The following ARMC9 variants were observed in gnomAD, a reference collection of about 807,000 sequenced individuals.
ARMC9 encodes armadillo repeat containing 9.
In ARMC9, 94 loss-of-function variants were observed where a neutral mutation model predicts 107.0. The ratio of observed to expected loss-of-function variants is 0.88; its 90% CI spans 0.74 to 1.04. The LOEUF (loss-of-function observed/expected upper bound fraction) is 1.04. Ranked by LOEUF, ARMC9 falls within the 50% of genes least tolerant of loss-of-function variation. The pLI is 0.00. For synonymous variants in ARMC9, 380 were observed against 396.9 expected (o/e 0.96, Z 0.51); for missense variants, 942 against 1,030.1 (o/e 0.91, Z 1.17).
At chr2:231,280,848 T>G (rs1451126090) in intron 16 of ARMC9, among the ~76,000 whole-genome samples, 12 of 152,224 alleles carry the variant, frequency 7.9e-5, no homozygotes, top group Admixed American at 7.9e-4. Context: ...AGAATCGTGC[T>G]GCCCCAGAAA....
chr2:231,264,993 G>A (rs748658768), intron 12 of ARMC9, among the ~76,000 whole-genome samples: 53 of 152,228 alleles, frequency 3.5e-4, no homozygotes, highest in Non-Finnish European at 6.3e-4. Flanking sequence ...AGCTACCCAG[G>A]AGGCTGAGGC....
chr2:231,329,702 T>G (rs1037966196), intron 19 of ARMC9, among the ~76,000 whole-genome samples: 1 of 152,234 alleles, frequency 6.6e-6, no homozygotes, highest in Non-Finnish European at 1.5e-5. Flanking sequence ...TGAGCACTTG[T>G]AAATGGCATT....
chr2:231,238,293 G>T (rs2035960119), intron 8 of ARMC9, among the ~76,000 whole-genome samples: 1 of 152,134 alleles, frequency 6.6e-6, no homozygotes, highest in South Asian at 2.1e-4. Flanking sequence ...GTTTCTAGTT[G>T]TAGGGAAGGA....
chr2:231,314,051 C>CCCGG (rs2042516512), intron 19 of ARMC9, among the ~76,000 whole-genome samples: 1 of 150,872 alleles, frequency 6.6e-6, no homozygotes, highest in African/African-American at 2.4e-5. Context: ...TGAGCCACCA[C>CCCGG]ACCAGCCATC....
At chr2:231,287,296 A>T (rs2040663873) in intron 17 of ARMC9, among the ~76,000 whole-genome samples, 1 of 152,066 alleles carries the variant, frequency 6.6e-6, no homozygotes, top group Non-Finnish European at 1.5e-5. Flanking sequence ...CACGCACCTG[A>T]TCCTCCACAT....
At chr2:231,305,585 T>C (rs1389501821) in intron 19 of ARMC9, among the ~76,000 whole-genome samples, 3 of 152,216 alleles carry the variant, frequency 2.0e-5, no homozygotes, top group Non-Finnish European at 2.9e-5. Flanking sequence ...GTGACACTAA[T>C]GTGATTTCTT....
intron 18 of ARMC9, 65 bp downstream of exon 18, chr2:231,291,508 T>C: frequency 2.0e-6 from 3 of 1,522,144 alleles, no homozygotes; most frequent in Non-Finnish European, 2.7e-6. Flanking sequence ...GAAAGACACA[T>C]GGCATTTCAT....
chr2:231,247,439 C>T (rs1333191387), intron 9 of ARMC9, among the ~76,000 whole-genome samples: 1 of 152,182 alleles, frequency 6.6e-6, no homozygotes, highest in Non-Finnish European at 1.5e-5. Context: ...TCAGCCCTTG[C>T]CTTCTCCCCA....
intron 16 of ARMC9, among the ~76,000 whole-genome samples, chr2:231,280,556 C>G (rs1020377245): frequency 2.0e-5 from 3 of 151,708 alleles, no homozygotes; most frequent in African/African-American, 7.3e-5. Flanking sequence ...TACTTTAGAG[C>G]CAAGTAATAT....
chr2:231,304,179 G>A (rs1224773695), intron 19 of ARMC9, among the ~76,000 whole-genome samples: 1 of 152,072 alleles, frequency 6.6e-6, no homozygotes, highest in Non-Finnish European at 1.5e-5. Flanking sequence ...GCAGTGAGCC[G>A]AGATCGCGCC....
Position 231,252,916 on chromosome 2 carries a change from AG to A in ARMC9, c.880-3668del, listed in dbSNP as rs1254294387. 2.0e-5 allele frequency among the ~76,000 whole-genome samples: 3 copies of A among 151,682 alleles called. No individual in the cohort carries two copies. The South Asian group carries it at 6.3e-4, about 32-fold the overall frequency. On this transcript the variant is annotated intron_variant, in intron 9 of 24. Coordinates refer to ENST00000611582, the MANE Select transcript of ARMC9 (RefSeq NM_001352754.2). ...CAGCCTCCCAAAGTGTTGGGAGTAC[AG>A]GCGTGAACGGCTATGCCCAGCTAGA... is the stretch of plus-strand genomic sequence containing the variant.
At chr2:231,290,739 T>C (rs2040929536) in intron 17 of ARMC9, among the ~76,000 whole-genome samples, 1 of 152,202 alleles carries the variant, frequency 6.6e-6, no homozygotes, top group African/African-American at 2.4e-5. Context: ...TATAATTCTT[T>C]TAATAGAAAA....
At chr2:231,292,826 C>A (rs1160626983) in intron 18 of ARMC9, among the ~76,000 whole-genome samples, 2 of 152,238 alleles carry the variant, frequency 1.3e-5, no homozygotes, top group African/African-American at 4.8e-5. Flanking sequence ...AGGCCAGAAG[C>A]CCCCAGGTGG....
rs952450033 is a variant in ARMC9, at chr2:231,374,572, A to G, written c.*3037A>G. 6.6e-6 allele frequency: 1 copy of G among 151,782 alleles called. No individual in the cohort carries two copies. Among genetic ancestry groups the G allele is most frequent in the African/African-American group, 2.4e-5 (1 of 41,330 alleles). The allele number at this position is 151,782 out of a possible 1,614,324, so 9.4% of individuals were successfully genotyped here. A position where few individuals can be genotyped will look rare whatever the true frequency, so the allele number is the denominator to read the frequency against. On this transcript the variant is annotated 3_prime_UTR_variant, in exon 25 of 25. Coordinates refer to ENST00000611582, the MANE Select transcript of ARMC9 (RefSeq NM_001352754.2). ...AAAATAATAAAATAAAAATAAAAAT[A>G]AAATAGTTGAACAAATAAGGTTCAT...
rs192081080 is a variant in ARMC9 at position 231,216,542 on chromosome 2, G to T, written c.349-96G>T. Reference sequence around the variant, plus strand: ...GTTAGATAGGGGATGCCAGCGACACGACTGGGACAGAAGGAGCCTCAGAGA... The same window carrying T: ...GTTAGATAGGGGATGCCAGCGACACTACTGGGACAGAAGGAGCCTCAGAGA... On this transcript the variant is annotated intron_variant, in intron 4 of 24. Coordinates refer to ENST00000611582, the MANE Select transcript of ARMC9 (RefSeq NM_001352754.2). 6 of 1,389,860 alleles carry T rather than the reference G, an allele frequency of 4.3e-6. No homozygotes were observed. In the East Asian group the frequency reaches 9.2e-5, roughly 21 times the overall value. 86.1% of individuals were successfully genotyped at this position (1,389,860 alleles called of 1,614,324 possible).
At chr2:231,203,392 T>A (rs1255913862) in intron 1 of ARMC9, among the ~76,000 whole-genome samples, 1 of 152,192 alleles carries the variant, frequency 6.6e-6, no homozygotes, top group Non-Finnish European at 1.5e-5. Context: ...ATTGTGCCTC[T>A]TCTGCCTTTT....
intron 19 of ARMC9, among the ~76,000 whole-genome samples, chr2:231,320,130 G>A (rs1424521176): frequency 6.6e-6 from 1 of 152,194 alleles, no homozygotes; most frequent in Non-Finnish European, 1.5e-5. Context: ...GCTGCTGTAT[G>A]TAGTATTTCA....
chr2:231,235,489 C>T (rs2035625104), intron 8 of ARMC9, 108 bp downstream of exon 8: 1 of 1,302,070 alleles, frequency 7.7e-7, no homozygotes, highest in Admixed American at 2.6e-5. Context: ...CCATTCCAAG[C>T]CAGTGGCGCC....
At chr2:231,287,657 A>G (rs1333401322) in intron 17 of ARMC9, among the ~76,000 whole-genome samples, 2 of 152,100 alleles carry the variant, frequency 1.3e-5, no homozygotes, top group Admixed American at 6.6e-5. Context: ...TCATGATTAC[A>G]TGTCATGTAA....
Sources: allele counts gnomAD v4.1 joint callset (sites outside exome capture counted in the v4.1 genomes callset), GRCh38; gene constraint gnomAD v4.1.1; transcripts MANE v1.5; gene names NCBI Gene and HGNC (gene_info 2026-07-23, HGNC 2026-07-21).